The following ASB4 variants were observed in gnomAD, a reference collection of about 807,000 sequenced individuals.
ASB4 encodes ankyrin repeat and SOCS box protein 4.
In ASB4, 35 loss-of-function variants were observed where a neutral mutation model predicts 38.6. The ratio of observed to expected loss-of-function variants is 0.91; its 90% CI spans 0.69 to 1.20. The LOEUF (loss-of-function observed/expected upper bound fraction) is 1.20. ASB4 is among the 50% of genes most tolerant of loss of function. The pLI, the probability that ASB4 is intolerant of heterozygous loss-of-function variation, is 0.00. For missense variants in ASB4, 557 were observed against 527.2 expected, an observed-to-expected ratio of 1.06 and a Z score of -0.55; for synonymous variants, 195 against 201.3, an observed-to-expected ratio of 0.97 and a Z score of 0.26.
At chr7:95,472,226 C>T in the ASB4 span, among the ~76,000 whole-genome samples, 1 of 129,030 alleles carries the variant, frequency 7.8e-6, no homozygotes, top group Admixed American at 7.8e-5. Flanking sequence ...ACATTCTTTC[C>T]CCAAAAATGT....
intron 2 of ASB4, among the ~76,000 whole-genome samples, chr7:95,520,741 T>C (rs1790649242): frequency 6.6e-6 from 1 of 151,972 alleles, no homozygotes; most frequent in South Asian, 2.1e-4. Context: ...CCATTCTTTA[T>C]CCACTGCCAC....
chr7:95,502,275 C>A (rs6465466), intron 2 of ASB4, among the ~76,000 whole-genome samples: 103,726 of 151,902 alleles, frequency 0.68, 36,053 homozygotes, highest in East Asian at 0.94. Flanking sequence ...TGACAATTAG[C>A]TATTTTGTTG....
chr7:95,514,444 A>G (rs1193828909), intron 2 of ASB4, among the ~76,000 whole-genome samples: 1 of 152,244 alleles, frequency 6.6e-6, no homozygotes, highest in Non-Finnish European at 1.5e-5. Context: ...TGAAATTTCT[A>G]TTAATTACAT....
At chr7:95,551,125 C>T in the ASB4 span, among the ~76,000 whole-genome samples, 15 of 152,170 alleles carry the variant, frequency 9.9e-5, no homozygotes, top group South Asian at 6.2e-4. Flanking sequence ...GGACTACAAG[C>T]GCATGCCACC....
chr7:95,479,946 G>A lies in ASB4; in HGVS notation n.157+1346G>A, dbSNP rs190605864. ...GGTCTTAGAATCTGCTGCTCCCATGGCCTAGAAATCTCTTTCCCTAAATAT... is the reference window on the plus strand; with the variant it reads ...GGTCTTAGAATCTGCTGCTCCCATGACCTAGAAATCTCTTTCCCTAAATAT... On this transcript the variant is annotated intron_variant and non_coding_transcript_variant, in intron 1 of 1. Transcript: ENST00000257621. Among the ~76,000 whole-genome samples, 205 of 152,132 alleles carry A rather than the reference G, an allele frequency of 1.3e-3. 2 individuals are homozygous for A. Among genetic ancestry groups the A allele is most frequent in the South Asian group, 1.0e-3 (5 of 4,812 alleles).
the ASB4 span, among the ~76,000 whole-genome samples, chr7:95,471,492 T>G: frequency 6.6e-6 from 1 of 152,208 alleles, no homozygotes; most frequent in African/African-American, 2.4e-5. Flanking sequence ...CAAAATAGGT[T>G]TCTGTTGTAG....
At chr7:95,546,752 A>G in the ASB4 span, among the ~76,000 whole-genome samples, 5 of 152,302 alleles carry the variant, frequency 3.3e-5, no homozygotes, top group East Asian at 9.7e-4. Flanking sequence ...TTGTATAAAT[A>G]AAAAGCTGGA....
chr7:95,529,217 G>T (rs1166550720), intron 3 of ASB4, among the ~76,000 whole-genome samples: 1 of 152,174 alleles, frequency 6.6e-6, no homozygotes, highest in Non-Finnish European at 1.5e-5. Flanking sequence ...TTTATAGCTA[G>T]TAATTAATTT....
upstream of ASB4, among the ~76,000 whole-genome samples, chr7:95,477,508 C>A (rs1054327303): frequency 1.3e-5 from 2 of 152,058 alleles, no homozygotes; most frequent in African/African-American, 4.8e-5. Flanking sequence ...AGTGTGGCTG[C>A]TTATTTTTTC....
chr7:95,477,202 A>G (rs1789985363), upstream of ASB4, among the ~76,000 whole-genome samples: 1 of 152,136 alleles, frequency 6.6e-6, no homozygotes, highest in South Asian at 2.1e-4. Flanking sequence ...CACAGTCCCT[A>G]AAAGACAACT....
chr7:95,548,331 T>G, the ASB4 span, among the ~76,000 whole-genome samples: 2 of 152,250 alleles, frequency 1.3e-5, no homozygotes, highest in African/African-American at 4.8e-5. Context: ...TAAACAGCTT[T>G]TCACTTGCTT....
At chr7:95,488,437 G>T (rs560568720) in intron 1 of ASB4, among the ~76,000 whole-genome samples, 1 of 152,322 alleles carries the variant, frequency 6.6e-6, no homozygotes, top group South Asian at 2.1e-4. Context: ...AGTTAGGAAT[G>T]GAAATGACAA....
chr7:95,495,737 CCTT>C lies in ASB4; in HGVS notation c.188-20_188-18del. 2.3e-6 allele frequency: 3 copies of C among 1,329,240 alleles called. No homozygotes were observed. Among genetic ancestry groups the C allele is most frequent in the Non-Finnish European group, 3.0e-6 (3 of 995,798 alleles). The allele number at this position is 1,329,240 out of a possible 1,614,324, so 82.3% of individuals were successfully genotyped here. On this transcript the variant is annotated intron_variant, in intron 1 of 4. Transcript: ENST00000325885. ...GGTCAAGAAGTTAAACTTTCCTTTTCCTTTTTTTTTTTTTTTTCAGGTTACTGG... is the reference window on the plus strand; with the variant it reads ...GGTCAAGAAGTTAAACTTTCCTTTTCTTTTTTTTTTTTTTCAGGTTACTGG...
chr7:95,545,640 G>A, the ASB4 span, among the ~76,000 whole-genome samples: 10 of 151,204 alleles, frequency 6.6e-5, 1 homozygote, highest in Middle Eastern at 3.4e-3. Flanking sequence ...TTGCTTCTTC[G>A]TGGCTAGGAT....
At chr7:95,515,308 TCTTTCTTTCTTC>T (rs1207938367) in intron 2 of ASB4, among the ~76,000 whole-genome samples, 21 of 112,368 alleles carry the variant, frequency 1.9e-4, no homozygotes, top group African/African-American at 5.6e-4. Context: ...TTTCTTTCTT[TCTTTCTTTCTTC>T]CTTCCTTCCT....
chr7:95,497,388 G>C (rs935674200), intron 2 of ASB4, among the ~76,000 whole-genome samples: 1 of 152,148 alleles, frequency 6.6e-6, no homozygotes, highest in Non-Finnish European at 1.5e-5. Context: ...TTGGGATTCA[G>C]AGATGGATTG....
upstream of ASB4, among the ~76,000 whole-genome samples, chr7:95,474,415 T>C (rs1365869453): frequency 6.6e-6 from 1 of 152,264 alleles, no homozygotes; most frequent in Non-Finnish European, 1.5e-5. Flanking sequence ...TTGTTTTTTT[T>C]ATATCTCTGT....
chr7:95,479,254 A>G (rs1790003875), intron 1 of ASB4, among the ~76,000 whole-genome samples: 1 of 152,208 alleles, frequency 6.6e-6, no homozygotes, highest in African/African-American at 2.4e-5. Flanking sequence ...CTTTCACCAT[A>G]ACACCACTTA....
intron 4 of ASB4, 123 bp downstream of exon 4, chr7:95,536,673 A>C: frequency 1.7e-6 from 1 of 581,952 alleles, no homozygotes; most frequent in Non-Finnish European, 3.0e-6. Flanking sequence ...ACTCAAATGC[A>C]ATGAGACAAA....
Sources: allele counts gnomAD v4.1 joint callset (sites outside exome capture counted in the v4.1 genomes callset), GRCh38; gene constraint gnomAD v4.1.1; transcripts MANE v1.5; gene names NCBI Gene and HGNC (gene_info 2026-07-23, HGNC 2026-07-21).